Variants in DAGLA observed in about 807,000 individuals in gnomAD.
The protein encoded by DAGLA is diacylglycerol lipase-alpha.
A neutral mutation model predicts 102.6 loss-of-function variants in DAGLA; 22 were observed. The observed-to-expected ratio is 0.21, with a 90% CI of 0.15 to 0.31. DAGLA has a LOEUF of 0.31. Among genes scored for constraint, DAGLA ranks in the 10% least tolerant of loss-of-function variants. The pLI is 1.00. For missense variants in DAGLA, 927 were observed against 1,446.6 expected (o/e 0.64, Z 5.83); for synonymous variants, 578 against 628.9 (o/e 0.92, Z 1.21).
intron 1 of DAGLA, among the ~76,000 whole-genome samples, chr11:61,703,454 T>TG (rs1458448404): frequency 1.4e-5 from 2 of 142,390 alleles, no homozygotes; most frequent in Non-Finnish European, 3.1e-5. Flanking sequence ...GGGGTGGGGT[T>TG]GGGGTTCTCT....
chr11:61,741,117 C>T, intron 18 of DAGLA, 45 bp from the exon 19 acceptor site: 1 of 1,559,972 alleles, frequency 6.4e-7, no homozygotes, highest in South Asian at 1.2e-5. Context: ...ACGATGGGGC[C>T]TGATGTCCCT....
intron 1 of DAGLA, among the ~76,000 whole-genome samples, chr11:61,712,792 C>G (rs1049820107): frequency 6.6e-6 from 1 of 152,174 alleles, no homozygotes; most frequent in Non-Finnish European, 1.5e-5. Context: ...ACTGTAGCCC[C>G]GGGAGCCTGG....
In DAGLA at chr11:61,731,380, T is replaced by C; in HGVS notation, c.913T>C (p.Trp305Arg). ...GCTCTTTGCCCTGGCTGCCTACGGGTGGCCCATGTACCTGATGCGGAAGCC... is the reference window on the plus strand; with the variant it reads ...GCTCTTTGCCCTGGCTGCCTACGGGCGGCCCATGTACCTGATGCGGAAGCC... The part of the protein sequence containing the change: ...YMLFALAAYG[W>R]PMYLMRKPAC... Residue 305 changes from tryptophan to arginine, a missense_variant, in exon 9 of 20, where the codon TGG (tryptophan) becomes CGG (arginine). Trp to Arg is a moderately radical substitution (Grantham distance 101). This residue lies in a region of DAGLA where 231 missense variants were observed against 439.8 expected (regional missense o/e 0.53). Coordinates refer to ENST00000257215, the MANE Select transcript of DAGLA (RefSeq NM_006133.3). The C allele has an allele frequency of 6.2e-7, 1 of 1,614,104 alleles. No individual in the cohort carries two copies. The highest frequency in any genetic ancestry group is 8.5e-7 in the Non-Finnish European group (1 of 1,180,024).
At chr11:61,743,475 G>A in intron 19 of DAGLA, 57 bp from the exon 20 acceptor site, 1 of 1,392,350 alleles carries the variant, frequency 7.2e-7, no homozygotes, top group Non-Finnish European at 9.6e-7. Context: ...GGGAGCTGGG[G>A]TTCAGTCCCC....
At chr11:61,738,967 G>A (rs1486428343) in intron 16 of DAGLA, among the ~76,000 whole-genome samples, 1 of 152,236 alleles carries the variant, frequency 6.6e-6, no homozygotes, top group Non-Finnish European at 1.5e-5. Flanking sequence ...CAGTGAGCAG[G>A]GCAGCAAAGC....
At chr11:61,725,897 G>T in intron 5 of DAGLA, 98 bp from the exon 6 acceptor site, 2 of 1,146,110 alleles carry the variant, frequency 1.7e-6, no homozygotes, top group East Asian at 2.3e-5. Flanking sequence ...CTTTGGTAGG[G>T]TCCTGGGAAC....
intron 19 of DAGLA, 25 bp downstream of exon 19, chr11:61,741,374 C>T (rs2065478559): frequency 6.3e-7 from 1 of 1,595,192 alleles, no homozygotes; most frequent in South Asian, 1.1e-5. Flanking sequence ...CTCCCAGCCC[C>T]ACCCCAGGGT....
At chr11:61,738,339 T>C in intron 16 of DAGLA, 132 bp downstream of exon 16, 1 of 713,544 alleles carries the variant, frequency 1.4e-6, no homozygotes, top group Non-Finnish European at 2.3e-6. Flanking sequence ...GCTGGTGTTG[T>C]GGGAACTTCA....
At chr11:61,689,047 G>T (rs528771216) in intron 1 of DAGLA, among the ~76,000 whole-genome samples, 1 of 152,388 alleles carries the variant, frequency 6.6e-6, no homozygotes, top group East Asian at 1.9e-4. Context: ...TTGTGGCCAG[G>T]CTACTGTTAG....
At chr11:61,722,143 C>A (rs568827167) in intron 3 of DAGLA, among the ~76,000 whole-genome samples, 2 of 152,256 alleles carry the variant, frequency 1.3e-5, no homozygotes, top group Admixed American at 1.3e-4. Flanking sequence ...GAAGTGAACA[C>A]GCTCTCATCT....
In DAGLA at chr11:61,720,096, C is replaced by G. The variant is rs2065269207; in HGVS notation, c.-44-16C>G. 1.3e-6 allele frequency: 2 copies of G among 1,576,410 alleles called. No homozygotes were observed. The highest frequency in any genetic ancestry group is 1.7e-6 in the Non-Finnish European group (2 of 1,154,966). ...CACCTCCTCAGGCAGCTATAAGGTC[C>G]TCTGCTTTCTTTCAGGAGGTGAGCA... On this transcript the variant is annotated splice_polypyrimidine_tract_variant and intron_variant, in intron 1 of 19. Transcript: ENST00000257215.
chr11:61,735,144 C>T, intron 10 of DAGLA, 142 bp downstream of exon 10: 1 of 1,003,122 alleles, frequency 1.0e-6, no homozygotes, highest in South Asian at 1.5e-5. Flanking sequence ...CCTAGCTGGG[C>T]AGACCAGAGG....
At chr11:61,731,745 T>A (rs2065377384) in intron 9 of DAGLA, among the ~76,000 whole-genome samples, 1 of 152,136 alleles carries the variant, frequency 6.6e-6, no homozygotes, top group Non-Finnish European at 1.5e-5. Context: ...CTCGTGGAAT[T>A]TTTTGGAGAG....
intron 4 of DAGLA, 55 bp downstream of exon 4, chr11:61,723,015 G>T: frequency 7.4e-7 from 1 of 1,358,716 alleles, no homozygotes; most frequent in South Asian, 1.2e-5. Flanking sequence ...CACAGGGGAC[G>T]AGATCAGTTT....
intron 12 of DAGLA, 92 bp downstream of exon 12, chr11:61,735,908 C>A: frequency 1.6e-6 from 2 of 1,236,652 alleles, no homozygotes; most frequent in Non-Finnish European, 2.2e-6. Context: ...CCTCCCTGCT[C>A]GCTGGGCTCA....
chr11:61,726,164 A>G, intron 6 of DAGLA, 82 bp downstream of exon 6: 2 of 1,306,720 alleles, frequency 1.5e-6, no homozygotes, highest in South Asian at 2.4e-5. Flanking sequence ...TTGGCAAAGC[A>G]GGATGGGGCA....
At position 61,734,650 on chromosome 11, in the gene DAGLA, C is replaced by T. The variant is rs1168859353; in HGVS notation, c.975-199C>T. ...GAAGGGCCCACAGGGTCAGGTGCCGCCAAGAGCTCAGTTAAGAGGAAGGCT... is the reference window on the plus strand; with the variant it reads ...GAAGGGCCCACAGGGTCAGGTGCCGTCAAGAGCTCAGTTAAGAGGAAGGCT... On this transcript the variant is annotated intron_variant, in intron 9 of 19. Coordinates refer to ENST00000257215, the MANE Select transcript of DAGLA (RefSeq NM_006133.3). This position sits in a 1 kb window ranked among gnomAD's most constrained non-coding sequence, Gnocchi z 4.2. 6.6e-6 allele frequency among the ~76,000 whole-genome samples: 1 copy of T among 152,162 alleles called. No individual in the cohort carries two copies. The highest frequency in any genetic ancestry group is 1.5e-5 in the Non-Finnish European group (1 of 68,008).
intron 1 of DAGLA, among the ~76,000 whole-genome samples, chr11:61,692,112 G>A (rs1025399541): frequency 6.6e-5 from 10 of 152,180 alleles, no homozygotes; most frequent in African/African-American, 2.4e-4. Flanking sequence ...TTGACCCATA[G>A]TCAGTGCATT....
In DAGLA at chr11:61,745,229, G is replaced by A; in HGVS notation, c.*740G>A. 6.5e-6 allele frequency: 1 copy of A among 153,358 alleles called. No individual in the cohort carries two copies. The highest frequency in any genetic ancestry group is 1.5e-5 in the Non-Finnish European group (1 of 68,792). 9.5% of individuals were successfully genotyped at this position (153,358 alleles called of 1,614,324 possible). A position where few individuals can be genotyped will look rare whatever the true frequency, so the allele number is the denominator to read the frequency against. ...CTGGGCACCCAGGCCTGCCCTGCCT[G>A]CTGGCTACTTCCTGGCTTACCTTCT... is the stretch of plus-strand genomic sequence containing the variant. On this transcript the variant is annotated 3_prime_UTR_variant, in exon 20 of 20. Coordinates refer to ENST00000257215, the MANE Select transcript of DAGLA (RefSeq NM_006133.3).
Sources: gnomAD v4.1 joint callset for allele counts (sites outside exome capture counted in the v4.1 genomes callset) on GRCh38, gnomAD v4.1.1 for gene constraint, gnomAD v4.1.1 regional missense constraint, Gnocchi (gnomAD v3.1) non-coding constraint, MANE v1.5 for transcripts, NCBI Gene and HGNC (gene_info 2026-07-23, HGNC 2026-07-21) for gene names.